MPV17: variants seen among roughly 807,000 people sequenced by gnomAD.
The protein encoded by MPV17 is MPV17, mitochondrial inner membrane protein.
In MPV17, 31 loss-of-function variants were observed where a neutral mutation model predicts 28.6. The observed-to-expected ratio is 1.08, with a 90% CI of 0.81 to 1.46. The LOEUF (loss-of-function observed/expected upper bound fraction) is 1.46. Among genes scored for constraint, MPV17 ranks in the 40% most tolerant of loss-of-function variants. The pLI is 0.00. For missense variants in MPV17, 198 were observed against 216.2 expected, an observed-to-expected ratio of 0.92 and a Z score of 0.53; for synonymous variants, 87 against 85.3, an observed-to-expected ratio of 1.02 and a Z score of -0.11.
In MPV17 at chr2:27,317,239, A is replaced by G. The variant is rs964264998; in HGVS notation, c.71-4130T>C. ...GCTGCCTTCCTCCCCAGAAGTCTGC[A>G]AACATTAGTTAGCTGCCTAGGATAG... On this transcript the variant is annotated intron_variant, in intron 2 of 7. Transcript: ENST00000380044. The surrounding 1 kb of genome is among the most constrained non-coding windows in gnomAD (Gnocchi z 4.0). 1.9e-6 allele frequency: 3 copies of G among 1,541,718 alleles called. No homozygotes were observed. Among genetic ancestry groups the G allele is most frequent in the African/African-American group, 2.8e-5 (2 of 72,662 alleles).
intron 2 of MPV17, 68 bp from the exon 3 acceptor site, chr2:27,313,177 A>T (rs762261314): frequency 2.5e-6 from 4 of 1,610,716 alleles, no homozygotes; most frequent in Non-Finnish European, 3.4e-6. Context: ...GGAGGGAGGG[A>T]CATCTGCTGA....
intron 1 of MPV17, 23 bp downstream of exon 1, chr2:27,323,029 A>G (rs1006308536): frequency 1.2e-5 from 2 of 163,928 alleles, no homozygotes; most frequent in African/African-American, 4.8e-5. Flanking sequence ...TAAGCCAGAG[A>G]CCGCAGATCA....
chr2:27,311,921 A>C lies in MPV17; in HGVS notation c.439T>G (p.Tyr147Asp). Residue 147 changes from tyrosine (Y) to aspartate (D), a missense_variant, in exon 7 of 8, where the codon TAC (tyrosine) becomes GAC (aspartate). Transcript: ENST00000380044. ...LWPAVQLANF[Y>D]LVPLHYRLAV... ...TACCTGTAATGAAGGGGGACCAGGT[A>C]GAAGTTGGCTAACTGCACAGCAGGC... 6.2e-7 allele frequency: 1 copy of C among 1,613,910 alleles called. No individual in the cohort carries two copies.
At chr2:27,316,082 C>G in intron 2 of MPV17, 1 of 1,550,752 alleles carries the variant, frequency 6.4e-7, no homozygotes, top group Non-Finnish European at 8.7e-7. Context: ...GCCTGCATAT[C>G]AAAGGACATT....
chr2:27,312,842 CT>C, intron 3 of MPV17, 70 bp from the exon 4 acceptor site: 8 of 1,561,744 alleles, frequency 5.1e-6, no homozygotes, highest in Non-Finnish European at 7.1e-6. Context: ...ACTAAGCTCC[CT>C]GCCCCAAGTA....
In MPV17 at chr2:27,321,123, T is replaced by C. The variant is rs147508697; in HGVS notation, c.70+1325A>G. Among the ~76,000 whole-genome samples the C allele has an allele frequency of 1.5e-3, 230 of 151,838 alleles. 2 individuals are homozygous for C. Among genetic ancestry groups the C allele is most frequent in the African/African-American group, 5.4e-3 (224 of 41,454 alleles). On this transcript the variant is annotated intron_variant, in intron 2 of 7. Transcript: ENST00000380044. ...GCTGCAGATGCCTCAGGTAGGGAAA[T>C]ATAAGGACTCTTTCCCTCCCTATTC...
intron 2 of MPV17, among the ~76,000 whole-genome samples, chr2:27,321,544 GC>G (rs1679858717): frequency 6.6e-6 from 1 of 152,122 alleles, no homozygotes; most frequent in African/African-American, 2.4e-5. Flanking sequence ...CTAAACATGG[GC>G]AAGACCTCAT....
intron 2 of MPV17, among the ~76,000 whole-genome samples, chr2:27,318,682 A>G (rs572191737): frequency 1.3e-5 from 2 of 152,040 alleles, no homozygotes; most frequent in Non-Finnish European, 2.9e-5. Flanking sequence ...CCATTGTGGG[A>G]TGGGAGTGGC....
chr2:27,317,034 G>A lies in MPV17; in HGVS notation c.71-3925C>T. 4 of 1,502,702 alleles carry A rather than the reference G, an allele frequency of 2.7e-6. No homozygotes were observed. Among genetic ancestry groups the A allele is most frequent in the African/African-American group, 2.8e-5 (2 of 71,942 alleles). The allele number at this position is 1,502,702 out of a possible 1,614,324, so 93.1% of individuals were successfully genotyped here. On this transcript the variant is annotated intron_variant, in intron 2 of 7. Coordinates refer to ENST00000380044, the MANE Select transcript of MPV17 (RefSeq NM_002437.5). The surrounding 1 kb of genome is among the most constrained non-coding windows in gnomAD (Gnocchi z 4.0). ...TTCCACACCCTCTTCCCGGGCATGGGCAGGGTAAATTCCCTACTTCTCCTA... is the reference window on the plus strand; with the variant it reads ...TTCCACACCCTCTTCCCGGGCATGGACAGGGTAAATTCCCTACTTCTCCTA...
chr2:27,320,908 T>C (rs548810518), intron 2 of MPV17, among the ~76,000 whole-genome samples: 51 of 152,188 alleles, frequency 3.4e-4, no homozygotes, highest in Non-Finnish European at 2.8e-4. Context: ...AGGAAAAGTC[T>C]GGATGGTCTG....
rs1679521556 is a variant in MPV17 at position 27,313,092 on chromosome 2, C to A, written c.88G>T (p.Gly30Cys). 6.2e-7 allele frequency: 1 copy of A among 1,614,058 alleles called. No individual in the cohort carries two copies. The highest frequency in any genetic ancestry group is 1.3e-5 in the African/African-American group (1 of 74,916). ...ACCAGCTGCTGTGAGATAATGTCAC[C>A]CAGGCCCATCAGGGACCCTATGCAG... ...VLTAGSLMGLGDIISQQLVER... is the reference protein window; with the variant it reads ...VLTAGSLMGLCDIISQQLVER... Residue 30 changes from glycine (G) to cysteine (C), a missense_variant, in exon 3 of 8, where the codon GGT becomes TGT. Coordinates refer to ENST00000380044, the MANE Select transcript of MPV17 (RefSeq NM_002437.5).
At chr2:27,319,935 A>G (rs1261504260) in intron 2 of MPV17, among the ~76,000 whole-genome samples, 2 of 151,078 alleles carry the variant, frequency 1.3e-5, no homozygotes, top group Non-Finnish European at 1.5e-5. Context: ...CAAAAAAAAA[A>G]AAAAAAGAAA....
chr2:27,313,352 A>T (rs1414484414), intron 2 of MPV17: 1 of 803,168 alleles, frequency 1.2e-6, no homozygotes, highest in Admixed American at 2.6e-5. Flanking sequence ...GGAACTTTGC[A>T]TTGAGCAGTA....
At chr2:27,322,654 T>G in intron 1 of MPV17, 132 bp from the exon 2 acceptor site, 1 of 717,768 alleles carries the variant, frequency 1.4e-6, no homozygotes, top group East Asian at 2.6e-5. Context: ...AGAGGCCACA[T>G]GAAGGATGCT....
chr2:27,315,952 G>T, intron 2 of MPV17: 5 of 1,467,662 alleles, frequency 3.4e-6, no homozygotes, highest in Non-Finnish European at 4.5e-6. Context: ...TCTCAAGGAG[G>T]ACCAAGGAGG....
rs760987542 is a variant in MPV17 at position 27,312,369 on chromosome 2, CCT to C, written c.375+123_375+124del. ...CATTCCTGCACCATAACCCTCAGCT[CCT>C]CTCCTCCATGGCCTGGGGCCCTACC... On this transcript the variant is annotated intron_variant, in intron 5 of 7. Coordinates refer to ENST00000380044, the MANE Select transcript of MPV17 (RefSeq NM_002437.5). 13 of 1,413,672 alleles carry C rather than the reference CCT, an allele frequency of 9.2e-6. No homozygotes were observed. In the South Asian group the frequency reaches 9.2e-5, roughly 10 times the overall value. The allele number at this position is 1,413,672 out of a possible 1,614,324, so 87.6% of individuals were successfully genotyped here. A position where few individuals can be genotyped will look rare whatever the true frequency, so the allele number is the denominator to read the frequency against.
Position 27,317,128 on chromosome 2 carries a change from C to T in MPV17, c.71-4019G>A, listed in dbSNP as rs1410990807. The T allele has an allele frequency of 6.5e-7, 1 of 1,550,008 alleles. No individual in the cohort carries two copies. The highest frequency in any genetic ancestry group is 2.0e-5 in the Admixed American group (1 of 50,958). On this transcript the variant is annotated intron_variant, in intron 2 of 7. Transcript: ENST00000380044. The surrounding 1 kb of genome is among the most constrained non-coding windows in gnomAD (Gnocchi z 4.0). Reference sequence around the variant, plus strand: ...CAGAAGGCAGAGGGGCAAGAAGTGGCTTCTTGGAGTGAGGAGCAGGAAGCG... The same window carrying T: ...CAGAAGGCAGAGGGGCAAGAAGTGGTTTCTTGGAGTGAGGAGCAGGAAGCG...
At chr2:27,320,273 T>C (rs1679808671) in intron 2 of MPV17, among the ~76,000 whole-genome samples, 1 of 151,472 alleles carries the variant, frequency 6.6e-6, no homozygotes, top group Non-Finnish European at 1.5e-5. Flanking sequence ...TCCAAAACCT[T>C]TTCACAGTGA....
rs1679711913 is a variant in MPV17 at position 27,317,808 on chromosome 2, A to C, written c.70+4640T>G. Reference sequence around the variant, plus strand: ...ATAAGGCTGACTCACACTCCATAGAACATACAGTAAACCTTTCCCCAGGCT... The same window carrying C: ...ATAAGGCTGACTCACACTCCATAGACCATACAGTAAACCTTTCCCCAGGCT... On this transcript the variant is annotated intron_variant, in intron 2 of 7. Transcript: ENST00000380044. This position sits in a 1 kb window ranked among gnomAD's most constrained non-coding sequence, Gnocchi z 4.0. Among the ~76,000 whole-genome samples, 1 of 152,202 alleles carries C rather than the reference A, an allele frequency of 6.6e-6. No homozygotes were observed. Among genetic ancestry groups the C allele is most frequent in the Non-Finnish European group, 1.5e-5 (1 of 68,038 alleles).
Sources: gnomAD v4.1 joint callset for allele counts (sites outside exome capture counted in the v4.1 genomes callset) on GRCh38, gnomAD v4.1.1 for gene constraint, Gnocchi (gnomAD v3.1) non-coding constraint, MANE v1.5 for transcripts, NCBI Gene and HGNC (gene_info 2026-07-23, HGNC 2026-07-21) for gene names.